The following SCAMP1 variants were observed in gnomAD, a reference collection of about 807,000 sequenced individuals.
The protein encoded by SCAMP1 is secretory carrier membrane protein 1.
In SCAMP1, 15 loss-of-function variants were observed where a neutral mutation model predicts 41.8. The observed-to-expected ratio is 0.36, with a 90% confidence interval of 0.24 to 0.55. The LOEUF (loss-of-function observed/expected upper bound fraction) is 0.55. SCAMP1 is among the 20% of genes least tolerant of loss of function. The pLI, the probability that SCAMP1 is intolerant of heterozygous loss-of-function variation, is 0.86. For missense variants in SCAMP1, 341 were observed against 412.6 expected (o/e 0.83, Z 1.50); for synonymous variants, 135 against 136.8 (o/e 0.99, Z 0.09).
chr5:78,463,297 G>C (rs925032888), intron 8 of SCAMP1, among the ~76,000 whole-genome samples: 3 of 152,094 alleles, frequency 2.0e-5, no homozygotes, highest in African/African-American at 4.8e-5. Flanking sequence ...TTGACTCTCT[G>C]GCTATTCTTT....
chr5:78,419,716 G>T (rs1752293971), intron 5 of SCAMP1, among the ~76,000 whole-genome samples: 1 of 152,112 alleles, frequency 6.6e-6, no homozygotes, highest in Non-Finnish European at 1.5e-5. Flanking sequence ...AAATTTACTT[G>T]TTTTTACTTT....
intron 2 of SCAMP1, among the ~76,000 whole-genome samples, chr5:78,407,031 A>C (rs1354857704): frequency 6.6e-6 from 1 of 152,182 alleles, no homozygotes; most frequent in Non-Finnish European, 1.5e-5. Context: ...AGCTTACTGT[A>C]GTACATTTGG....
intron 6 of SCAMP1, among the ~76,000 whole-genome samples, chr5:78,442,163 C>T (rs999894737): frequency 6.6e-6 from 1 of 152,110 alleles, no homozygotes; most frequent in Non-Finnish European, 1.5e-5. Flanking sequence ...TAAATAGTTT[C>T]ATGATGTGGT....
intron 2 of SCAMP1, among the ~76,000 whole-genome samples, chr5:78,414,778 C>G (rs1301691420): frequency 1.3e-5 from 2 of 152,100 alleles, no homozygotes; most frequent in Admixed American, 1.3e-4. Flanking sequence ...TTTATTTTCT[C>G]TCTCCTTACG....
intron 6 of SCAMP1, among the ~76,000 whole-genome samples, chr5:78,449,574 A>G (rs1753164621): frequency 6.6e-6 from 1 of 152,196 alleles, no homozygotes; most frequent in Non-Finnish European, 1.5e-5. Flanking sequence ...TATTAAAGCG[A>G]TATTTTAAAT....
At chr5:78,457,023 T>C (rs1337390414) in intron 7 of SCAMP1, among the ~76,000 whole-genome samples, 2 of 129,552 alleles carry the variant, frequency 1.5e-5, no homozygotes, top group Non-Finnish European at 3.2e-5. Context: ...CGAGCCTTGG[T>C]TTTCAGCTCC....
chr5:78,464,087 C>G (rs578064484), intron 8 of SCAMP1, among the ~76,000 whole-genome samples: 2 of 152,276 alleles, frequency 1.3e-5, no homozygotes, highest in South Asian at 4.1e-4. Context: ...AAGCGATTCT[C>G]CTGACTCAGC....
chr5:78,448,557 A>G (rs185236088), intron 6 of SCAMP1, among the ~76,000 whole-genome samples: 1 of 152,212 alleles, frequency 6.6e-6, no homozygotes, highest in Non-Finnish European at 1.5e-5. Flanking sequence ...AAGATGCTCA[A>G]CAACATTACT....
chr5:78,410,725 G>A (rs1321267150), intron 2 of SCAMP1, among the ~76,000 whole-genome samples: 1 of 152,158 alleles, frequency 6.6e-6, no homozygotes, highest in Admixed American at 6.5e-5. Flanking sequence ...CCACCACACT[G>A]TCTTCCACAG....
chr5:78,456,242 G>T (rs1322726431), intron 7 of SCAMP1, among the ~76,000 whole-genome samples: 1 of 144,520 alleles, frequency 6.9e-6, no homozygotes, highest in East Asian at 2.1e-4. Flanking sequence ...GTTAGCTGGT[G>T]ATTTTGCTCG....
At chr5:78,441,085 C>T (rs934202575) in intron 6 of SCAMP1, among the ~76,000 whole-genome samples, 1 of 152,142 alleles carries the variant, frequency 6.6e-6, no homozygotes, top group Non-Finnish European at 1.5e-5. Flanking sequence ...GGAAGTGTCC[C>T]GATTTTCCAG....
At chr5:78,400,790 G>GA (rs781345822) in intron 2 of SCAMP1, among the ~76,000 whole-genome samples, 1 of 152,110 alleles carries the variant, frequency 6.6e-6, no homozygotes, top group Non-Finnish European at 1.5e-5. Flanking sequence ...TGTTATCTGT[G>GA]AACAAAGACA....
At chr5:78,427,262 C>G (rs913551748) in intron 6 of SCAMP1, among the ~76,000 whole-genome samples, 1 of 152,220 alleles carries the variant, frequency 6.6e-6, no homozygotes, top group East Asian at 1.9e-4. Flanking sequence ...AGGTGCCATG[C>G]TCTTTTTAAT....
At chr5:78,470,203 T>C (rs146236691) in intron 8 of SCAMP1, among the ~76,000 whole-genome samples, 97 of 152,304 alleles carry the variant, frequency 6.4e-4, no homozygotes, top group African/African-American at 2.2e-3. Flanking sequence ...CTTTGACATT[T>C]TAATTACATT....
intron 2 of SCAMP1, among the ~76,000 whole-genome samples, chr5:78,402,663 T>G: frequency 6.6e-6 from 1 of 152,248 alleles, no homozygotes; most frequent in East Asian, 1.9e-4. Flanking sequence ...TGTTTACTTC[T>G]AATCCATATG....
At chr5:78,453,267 A>C (rs1161890266) in intron 7 of SCAMP1, among the ~76,000 whole-genome samples, 1 of 151,182 alleles carries the variant, frequency 6.6e-6, no homozygotes, top group African/African-American at 2.4e-5. Flanking sequence ...GCCCATGCCT[A>C]TGTCCTGAAT....
rs1754054661 is a variant in SCAMP1, at chr5:78,478,403, G to A, written c.*2735G>A. The stretch of plus-strand genomic sequence containing the variant: ...AAATATGTGTATAAGTCTGTCATGT[G>A]CTAAACAAAATAATATGAAAGACCT... On this transcript the variant is annotated 3_prime_UTR_variant, in exon 9 of 9. Transcript: ENST00000621999. 6.6e-6 allele frequency: 1 copy of A among 152,514 alleles called. No homozygotes were observed. The highest frequency in any genetic ancestry group is 6.6e-5 in the Admixed American group (1 of 15,260). The allele number at this position is 152,514 out of a possible 1,614,324, so 9.4% of individuals were successfully genotyped here. A position where few individuals can be genotyped will look rare whatever the true frequency, so the allele number is the denominator to read the frequency against.
At chr5:78,413,134 G>C (rs762472922) in intron 2 of SCAMP1, among the ~76,000 whole-genome samples, 1 of 152,074 alleles carries the variant, frequency 6.6e-6, no homozygotes, top group African/African-American at 2.4e-5. Context: ...TATATGATGC[G>C]AAGTAAGAAA....
chr5:78,439,095 A>C (rs981386735), intron 6 of SCAMP1, among the ~76,000 whole-genome samples: 5 of 151,766 alleles, frequency 3.3e-5, no homozygotes, highest in Non-Finnish European at 7.4e-5. Flanking sequence ...CTTTATTTTG[A>C]GCCTATGTGT....
Sources: allele counts gnomAD v4.1 joint callset (sites outside exome capture counted in the v4.1 genomes callset), GRCh38; gene constraint gnomAD v4.1.1; transcripts MANE v1.5; gene names NCBI Gene and HGNC (gene_info 2026-07-23, HGNC 2026-07-21).